Variants in KAZN observed in about 807,000 individuals in gnomAD.
The protein encoded by KAZN is kazrin.
Under a neutral mutation model 87.4 loss-of-function variants are expected in KAZN, and 40 were observed. That is an observed-to-expected ratio of 0.46 (90% confidence interval 0.36 to 0.60). The LOEUF (loss-of-function observed/expected upper bound fraction) is 0.60, where lower values mean the gene tolerates loss of function less well. Ranked by LOEUF, KAZN falls within the 20% of genes least tolerant of loss-of-function variation. The probability of loss-of-function intolerance (pLI) is 0.00; values close to 1 mark genes in which losing one functional copy is unlikely to be tolerated. For synonymous variants in KAZN, 466 were observed against 458.3 expected (o/e 1.02, Z -0.22); for missense variants, 898 against 1,073.9 (o/e 0.84, Z 2.29).
At chr1:14,161,441 A>G (rs991512851) in intron 1 of KAZN, among the ~76,000 whole-genome samples, 1 of 152,208 alleles carries the variant, frequency 6.6e-6, no homozygotes, top group African/African-American at 2.4e-5. Context: ...AGTTTGTGCT[A>G]CTATTTAGTA....
chr1:14,674,413 C>G (rs1457871065), intron 1 of KAZN, among the ~76,000 whole-genome samples: 1 of 152,210 alleles, frequency 6.6e-6, no homozygotes, highest in Non-Finnish European at 1.5e-5. Flanking sequence ...AAAGGTCACC[C>G]TGGGCTCCTG....
At chr1:14,115,714 A>G (rs1001852608) in intron 1 of KAZN, among the ~76,000 whole-genome samples, 2 of 152,324 alleles carry the variant, frequency 1.3e-5, no homozygotes, top group Admixed American at 1.3e-4. Flanking sequence ...ATTGAGTAAC[A>G]GGCAGGGGTT....
chr1:14,652,365 G>A (rs1411132882), intron 1 of KAZN, among the ~76,000 whole-genome samples: 1 of 149,538 alleles, frequency 6.7e-6, no homozygotes, highest in Non-Finnish European at 1.5e-5. Flanking sequence ...ACTGCAGCTT[G>A]GAATTTTTTC....
chr1:14,408,608 G>A (rs764925258), intron 2 of KAZN, among the ~76,000 whole-genome samples: 25 of 152,146 alleles, frequency 1.6e-4, no homozygotes, highest in Non-Finnish European at 2.5e-4. Flanking sequence ...CAAAGAGAAC[G>A]AGTCCTCTGG....
At chr1:15,010,551 C>T (rs1354363812) in intron 2 of KAZN, among the ~76,000 whole-genome samples, 3 of 152,134 alleles carry the variant, frequency 2.0e-5, no homozygotes, top group African/African-American at 7.2e-5. Flanking sequence ...CCACCATGCC[C>T]AGCTAATTTT....
intron 2 of KAZN, among the ~76,000 whole-genome samples, chr1:14,991,905 G>T (rs780758712): frequency 6.6e-6 from 1 of 152,234 alleles, no homozygotes; most frequent in Non-Finnish European, 1.5e-5. Context: ...GAGTATCTGT[G>T]AATCAAACGC....
At chr1:14,990,321 C>T (rs1359128384) in intron 2 of KAZN, among the ~76,000 whole-genome samples, 1 of 152,208 alleles carries the variant, frequency 6.6e-6, no homozygotes, top group South Asian at 2.1e-4. Flanking sequence ...CTCCCAGGCT[C>T]AAGCAGTTCT....
chr1:14,989,992 G>A (rs1667196003), intron 2 of KAZN, among the ~76,000 whole-genome samples: 1 of 152,274 alleles, frequency 6.6e-6, no homozygotes, highest in South Asian at 2.1e-4. Flanking sequence ...GTTTGATACA[G>A]CAACTCTATG....
intron 1 of KAZN, among the ~76,000 whole-genome samples, chr1:14,032,472 C>T (rs1280202626): frequency 6.6e-6 from 1 of 152,150 alleles, no homozygotes; most frequent in Non-Finnish European, 1.5e-5. Flanking sequence ...TATCTCAGAG[C>T]CTTCTCCTTA....
chr1:14,029,016 A>G (rs1641206612), intron 1 of KAZN, among the ~76,000 whole-genome samples: 2 of 151,896 alleles, frequency 1.3e-5, no homozygotes, highest in Admixed American at 6.6e-5. Flanking sequence ...GTCAAATGGT[A>G]TTTCTAATTC....
At chr1:14,480,591 T>C (rs1490744259) in intron 2 of KAZN, among the ~76,000 whole-genome samples, 1 of 146,272 alleles carries the variant, frequency 6.8e-6, no homozygotes, top group Non-Finnish European at 1.5e-5. Context: ...ATATTCATAT[T>C]ATATATTATA....
chr1:14,427,946 A>C (rs1665832291), intron 2 of KAZN, among the ~76,000 whole-genome samples: 1 of 152,188 alleles, frequency 6.6e-6, no homozygotes, highest in Non-Finnish European at 1.5e-5. Context: ...GATTTCTTTC[A>C]GGCTGACGAT....
At chr1:14,865,563 C>T in intron 1 of KAZN, among the ~76,000 whole-genome samples, 1 of 152,128 alleles carries the variant, frequency 6.6e-6, no homozygotes, top group East Asian at 1.9e-4. Context: ...CAGGGGACCC[C>T]CTCCACCAAA....
intron 2 of KAZN, among the ~76,000 whole-genome samples, chr1:14,510,068 C>T (rs898976500): frequency 1.3e-5 from 2 of 152,084 alleles, no homozygotes; most frequent in Non-Finnish European, 2.9e-5. Context: ...CATAGATCTC[C>T]GGTGAGTACA....
chr1:14,557,737 C>A (rs541176620), intron 2 of KAZN, among the ~76,000 whole-genome samples: 1 of 151,432 alleles, frequency 6.6e-6, no homozygotes, highest in African/African-American at 2.4e-5. Flanking sequence ...AGGAGGCTGG[C>A]AACTCCCAAG....
intron 2 of KAZN, among the ~76,000 whole-genome samples, chr1:14,336,297 C>T (rs1657266761): frequency 6.6e-6 from 1 of 152,218 alleles, no homozygotes; most frequent in Non-Finnish European, 1.5e-5. Context: ...TGTATTAGTA[C>T]TTCATTCCTG....
chr1:14,200,443 T>C (rs565012057), intron 2 of KAZN, among the ~76,000 whole-genome samples: 59 of 152,282 alleles, frequency 3.9e-4, no homozygotes, highest in African/African-American at 1.4e-3. Context: ...TGGAAAAAAA[T>C]TTTAAAAACA....
At chr1:13,921,427 A>G (rs1371533764) in intron 1 of KAZN, among the ~76,000 whole-genome samples, 1 of 152,202 alleles carries the variant, frequency 6.6e-6, no homozygotes, top group Non-Finnish European at 1.5e-5. Context: ...GCTGTGTTTC[A>G]ATACAACTTT....
At chr1:15,011,762 TC>T (rs1557714286) in intron 2 of KAZN, among the ~76,000 whole-genome samples, 1 of 152,154 alleles carries the variant, frequency 6.6e-6, no homozygotes, top group East Asian at 1.9e-4. Context: ...TTGCCATAAA[TC>T]CCTCGAGAGC....
Sources: allele counts gnomAD v4.1 joint callset (sites outside exome capture counted in the v4.1 genomes callset), GRCh38; gene constraint gnomAD v4.1.1; transcripts MANE v1.5; gene names NCBI Gene and HGNC (gene_info 2026-07-23, HGNC 2026-07-21).